Variants in SYTL2 observed in about 807,000 individuals in gnomAD.
SYTL2 encodes synaptotagmin-like protein 2.
In SYTL2, 165 loss-of-function variants were observed where a neutral mutation model predicts 198.7. The observed-to-expected ratio is 0.83, with a 90% CI of 0.73 to 0.94. The LOEUF (loss-of-function observed/expected upper bound fraction) is 0.94, where lower values mean the gene tolerates loss of function less well. Ranked by LOEUF, SYTL2 falls within the 40% of genes least tolerant of loss-of-function variation. SYTL2 has a pLI of 0.00. For synonymous variants in SYTL2, 966 were observed against 917.7 expected (o/e 1.05, Z -0.95); for missense variants, 2,835 against 2,582.8 (o/e 1.10, Z -2.12).
chr11:85,779,049 T>C (rs888403696), intron 1 of SYTL2, among the ~76,000 whole-genome samples: 1 of 151,998 alleles, frequency 6.6e-6, no homozygotes, highest in Non-Finnish European at 1.5e-5. Context: ...CTATACTATA[T>C]ATATTATATA....
In SYTL2 at chr11:85,726,237, T is replaced by C. The variant is rs1274786026; in HGVS notation, c.3121A>G (p.Ser1041Gly). 1 of 1,613,568 alleles carries C rather than the reference T, an allele frequency of 6.2e-7. No individual in the cohort carries two copies. The highest frequency in any genetic ancestry group is 1.1e-5 in the South Asian group (1 of 90,876). The change falls in exon 8 of 20, where the codon AGC (serine) becomes GGC (glycine). Residue 1041 changes from serine (S) to glycine (G), a missense_variant. Around this residue, in one of 3 missense-constraint regions of SYTL2, gnomAD observed 2,645 missense variants for 2,381.7 expected, o/e 1.11. Coordinates refer to ENST00000359152, the MANE Select transcript of SYTL2 (RefSeq NM_206927.4). ...TCTCTTGCCATAACTTTTTTTGGGC[T>C]TAGAAGCACCTCTGCTTCATGGGTA... ...KNTHEAEVLL[S>G]PKKVMAREEM...
chr11:85,786,543 A>G (rs1245927270), intron 1 of SYTL2, among the ~76,000 whole-genome samples: 1 of 152,136 alleles, frequency 6.6e-6, no homozygotes. Context: ...GTGATCTACA[A>G]TTGTCTCAAA....
the SYTL2 span, among the ~76,000 whole-genome samples, chr11:85,827,968 GAC>G: frequency 4.6e-5 from 7 of 152,188 alleles, no homozygotes; most frequent in African/African-American, 1.4e-4. Flanking sequence ...TTCTTAGGAT[GAC>G]AGTTTTCAGA....
the SYTL2 span, among the ~76,000 whole-genome samples, chr11:85,846,465 G>C: frequency 1.3e-5 from 2 of 152,142 alleles, no homozygotes; most frequent in Admixed American, 6.5e-5. Flanking sequence ...TTTTGCTCTT[G>C]TTACCCAGGC....
At chr11:85,777,874 G>A (rs1309668928) in intron 1 of SYTL2, among the ~76,000 whole-genome samples, 1 of 136,724 alleles carries the variant, frequency 7.3e-6, no homozygotes, top group Non-Finnish European at 1.5e-5. Context: ...AGGCTGGAGT[G>A]CAATGGCATA....
At chr11:85,805,192 A>G (rs2092942021) in intron 1 of SYTL2, among the ~76,000 whole-genome samples, 1 of 152,056 alleles carries the variant, frequency 6.6e-6, no homozygotes, top group African/African-American at 2.4e-5. Context: ...ACCCTAGACT[A>G]TAACTAAAAG....
chr11:85,730,447 A>G (rs1300125621), intron 7 of SYTL2, among the ~76,000 whole-genome samples: 1 of 152,196 alleles, frequency 6.6e-6, no homozygotes, highest in Non-Finnish European at 1.5e-5. Flanking sequence ...ACATATGCAA[A>G]TCAATAAACG....
At chr11:85,776,159 C>A (rs1303915775) in intron 1 of SYTL2, among the ~76,000 whole-genome samples, 1 of 152,176 alleles carries the variant, frequency 6.6e-6, no homozygotes, top group African/African-American at 2.4e-5. Flanking sequence ...CAGCTGGCTC[C>A]CCTTCTGCCT....
the SYTL2 span, among the ~76,000 whole-genome samples, chr11:85,817,806 T>G: frequency 1.3e-5 from 2 of 152,186 alleles, no homozygotes; most frequent in Admixed American, 1.3e-4. Flanking sequence ...TGCTTTAGAA[T>G]TCAAAGCACA....
intron 15 of SYTL2, among the ~76,000 whole-genome samples, chr11:85,706,296 G>A (rs377659795): frequency 5.3e-5 from 8 of 152,234 alleles, no homozygotes; most frequent in Middle Eastern, 3.4e-3. Flanking sequence ...GCATTAACCC[G>A]ACTTGGCAGA....
At position 85,718,818 on chromosome 11, in the gene SYTL2, T is replaced by A; in HGVS notation, c.5454A>T (p.Pro1818=). 6.2e-7 allele frequency: 1 copy of A among 1,613,784 alleles called. No homozygotes were observed. Among genetic ancestry groups the A allele is most frequent in the Non-Finnish European group, 8.5e-7 (1 of 1,179,764 alleles). ...SSNQAKVDNQ[P]EELVRSAEDD... ...CTTCAGCACTACGCACTAATTCTTC[T>A]GGCTGATTATCTACTTTTGCTTGAT... The change falls in exon 10 of 20, where the codon CCA becomes CCT. Residue 1818 remains proline, a synonymous_variant. Transcript: ENST00000359152.
chr11:85,749,506 A>C lies in SYTL2; in HGVS notation c.102-1083T>G, dbSNP rs186985801. ...CACACAGGCATACCTGGGAGTGGGA[A>C]AAAGAGGGGGAGCAGTTATCCCAGG... is the stretch of plus-strand genomic sequence containing the variant. On this transcript the variant is annotated intron_variant, in intron 2 of 19. Transcript: ENST00000359152. Among the ~76,000 whole-genome samples, 138 of 152,274 alleles carry C rather than the reference A, an allele frequency of 9.1e-4. No individual in the cohort carries two copies. In the Middle Eastern group the frequency reaches 0.014, roughly 15 times the overall value.
chr11:85,815,969 C>T (rs1195536668), upstream of SYTL2, among the ~76,000 whole-genome samples: 4 of 152,110 alleles, frequency 2.6e-5, no homozygotes, highest in Non-Finnish European at 5.9e-5. Context: ...TTCGAGACCA[C>T]CCTAGACAAC....
Position 85,804,322 on chromosome 11 carries a change from G to A in SYTL2, c.-390+6632C>T, listed in dbSNP as rs555880954. ...TAGAACTCAGTTTGCAGCTTCGTAC[G>A]TAATTTCATGAACAGTAGAGCAGAA... On this transcript the variant is annotated intron_variant, in intron 1 of 19. Coordinates refer to ENST00000359152, the MANE Select transcript of SYTL2 (RefSeq NM_206927.4). 4.6e-5 allele frequency among the ~76,000 whole-genome samples: 7 copies of A among 152,250 alleles called. No individual in the cohort carries two copies. The East Asian group carries it at 7.7e-4, about 17-fold the overall frequency.
rs746609129 is a variant in SYTL2 at position 85,707,537 on chromosome 11, A to C, written c.5916-6T>G. On this transcript the variant is annotated splice_polypyrimidine_tract_variant and splice_region_variant and intron_variant, in intron 14 of 19. Coordinates refer to ENST00000359152, the MANE Select transcript of SYTL2 (RefSeq NM_206927.4). ...GCAAATAGGCCTTTACATATCTGAA[A>C]AGGAGAATTGAACAGACAAAGTCAA... 50 of 1,551,200 alleles carry C rather than the reference A, an allele frequency of 3.2e-5. No homozygotes were observed. The highest frequency in any genetic ancestry group is 4.3e-5 in the Non-Finnish European group (49 of 1,138,190).
At chr11:85,793,171 A>G (rs2092755966) in intron 1 of SYTL2, among the ~76,000 whole-genome samples, 1 of 151,628 alleles carries the variant, frequency 6.6e-6, no homozygotes, top group African/African-American at 2.4e-5. Flanking sequence ...GTCAAATGGT[A>G]TTTCTAGTTC....
chr11:85,733,866 T>C, intron 7 of SYTL2, 73 bp downstream of exon 7: 1 of 1,259,918 alleles, frequency 7.9e-7, no homozygotes, highest in Non-Finnish European at 1.1e-6. Context: ...CCCAAAGTGC[T>C]GGGATTACAG....
At chr11:85,822,620 G>C in the SYTL2 span, among the ~76,000 whole-genome samples, 4 of 152,326 alleles carry the variant, frequency 2.6e-5, no homozygotes, top group South Asian at 8.3e-4. Context: ...AGTATCTAAG[G>C]CTTCAAATCA....
At chr11:85,828,837 T>C in the SYTL2 span, among the ~76,000 whole-genome samples, 6 of 152,160 alleles carry the variant, frequency 3.9e-5, no homozygotes, top group African/African-American at 1.4e-4. Context: ...AGGTTTATGA[T>C]CCCAGGTCTA....
Sources: gnomAD v4.1 joint callset for allele counts (sites outside exome capture counted in the v4.1 genomes callset) on GRCh38, gnomAD v4.1.1 for gene constraint, gnomAD v4.1.1 regional missense constraint, MANE v1.5 for transcripts, NCBI Gene and HGNC (gene_info 2026-07-23, HGNC 2026-07-21) for gene names.